Variants in ETV6 observed in about 807,000 individuals in gnomAD.
ETV6 encodes the protein transcription factor ETV6.
ETV6 carries 16 observed loss-of-function variants against 51.1 expected under a neutral mutation model. The ratio of observed to expected loss-of-function variants is 0.31; its 90% CI spans 0.21 to 0.48. The LOEUF is 0.48. Among genes scored for constraint, ETV6 ranks in the 20% least tolerant of loss-of-function variants. The pLI is 0.99. For synonymous variants in ETV6, 240 were observed against 224.1 expected (o/e 1.07, Z -0.64); for missense variants, 458 against 594.8 (o/e 0.77, Z 2.39).
At chr12:11,857,863 TTACAGCTC>T (rs1444994834) in intron 4 of ETV6, among the ~76,000 whole-genome samples, 1 of 152,228 alleles carries the variant, frequency 6.6e-6, no homozygotes, top group Non-Finnish European at 1.5e-5. Flanking sequence ...CTGCAGTCTC[TTACAGCTC>T]TCAAATCCCC....
intron 1 of ETV6, 79 bp downstream of exon 1, chr12:11,650,239 G>T (rs904649059): frequency 1.1e-5 from 14 of 1,270,006 alleles, no homozygotes; most frequent in Non-Finnish European, 1.5e-5. Flanking sequence ...GGGCTCCTCA[G>T]AGCAGGCTGT....
chr12:11,849,958 C>T (rs1430490049), intron 3 of ETV6, among the ~76,000 whole-genome samples: 1 of 152,176 alleles, frequency 6.6e-6, no homozygotes, highest in Non-Finnish European at 1.5e-5. Flanking sequence ...GCCGCATTCC[C>T]TGACGGAGCC....
intron 4 of ETV6, 124 bp downstream of exon 4, chr12:11,853,685 G>T: frequency 2.7e-6 from 3 of 1,096,308 alleles, no homozygotes; most frequent in Non-Finnish European, 3.9e-6. Context: ...CAATTATTGA[G>T]TGCTTACTAT....
chr12:11,859,984 A>G (rs948110682), intron 4 of ETV6, among the ~76,000 whole-genome samples: 14 of 152,182 alleles, frequency 9.2e-5, no homozygotes, highest in Non-Finnish European at 5.9e-5. Flanking sequence ...CTTCTAGATC[A>G]TTAACTCCCT....
chr12:11,716,784 C>A (rs375465799), intron 1 of ETV6: 3 of 152,284 alleles, frequency 2.0e-5, no homozygotes, highest in South Asian at 2.1e-4. Flanking sequence ...GTAGGTTGAG[C>A]TTATTGTATC....
intron 2 of ETV6, among the ~76,000 whole-genome samples, chr12:11,832,338 A>AT (rs1454736605): frequency 1.3e-5 from 2 of 152,228 alleles, no homozygotes; most frequent in Non-Finnish European, 2.9e-5. Context: ...AGATGGGTGA[A>AT]TTGATTGTAA....
At chr12:11,763,328 C>T (rs1212458871) in intron 2 of ETV6, among the ~76,000 whole-genome samples, 10 of 152,108 alleles carry the variant, frequency 6.6e-5, no homozygotes, top group Non-Finnish European at 1.0e-4. Flanking sequence ...AAAATTTGGC[C>T]GTGATTCAAA....
intron 1 of ETV6, chr12:11,751,288 A>G: frequency 1.9e-6 from 1 of 515,726 alleles, no homozygotes; most frequent in East Asian, 5.5e-5. Flanking sequence ...TATCTTTCCA[A>G]AACGTAAACA....
chr12:11,849,276 A>G (rs2136482647), intron 3 of ETV6, among the ~76,000 whole-genome samples: 1 of 151,918 alleles, frequency 6.6e-6, no homozygotes, highest in South Asian at 2.1e-4. Context: ...ACGCCCAACT[A>G]ATTTTTGTTT....
intron 4 of ETV6, among the ~76,000 whole-genome samples, chr12:11,864,144 G>A (rs1442297256): frequency 2.6e-5 from 4 of 152,170 alleles, no homozygotes; most frequent in Admixed American, 6.5e-5. Flanking sequence ...GGGCAGGAAC[G>A]GAGAGTGAAA....
chr12:11,695,139 A>G (rs1864850448), intron 1 of ETV6, among the ~76,000 whole-genome samples: 1 of 152,214 alleles, frequency 6.6e-6, no homozygotes, highest in South Asian at 2.1e-4. Flanking sequence ...CTTCCTTTTA[A>G]TGATACCAAA....
intron 5 of ETV6, among the ~76,000 whole-genome samples, chr12:11,872,859 C>T (rs558877448): frequency 3.9e-5 from 6 of 152,080 alleles, no homozygotes; most frequent in East Asian, 3.9e-4. Context: ...GCGGCCTCAT[C>T]GGTTAGGAAG....
chr12:11,753,804 A>G (rs1410617391), intron 2 of ETV6, among the ~76,000 whole-genome samples: 1 of 152,214 alleles, frequency 6.6e-6, no homozygotes, highest in Non-Finnish European at 1.5e-5. Context: ...AGGCATGAGA[A>G]TCCTTTCCCT....
At chr12:11,802,116 C>T (rs1285106044) in intron 2 of ETV6, among the ~76,000 whole-genome samples, 55 of 152,212 alleles carry the variant, frequency 3.6e-4, no homozygotes, top group Non-Finnish European at 2.9e-5. Flanking sequence ...AGGCCACTGC[C>T]GGGGGCTGAT....
intron 1 of ETV6, among the ~76,000 whole-genome samples, chr12:11,661,865 C>T (rs1219013812): frequency 6.6e-6 from 1 of 152,160 alleles, no homozygotes; most frequent in Non-Finnish European, 1.5e-5. Context: ...GGGTGTGCTC[C>T]TCTGCAGGCA....
At chr12:11,753,032 T>TCCCTC (rs1866068369) in intron 2 of ETV6, among the ~76,000 whole-genome samples, 1 of 151,658 alleles carries the variant, frequency 6.6e-6, no homozygotes, top group African/African-American at 2.4e-5. Flanking sequence ...TCCAGGGCCC[T>TCCCTC]CCCTCCCCTC....
intron 4 of ETV6, among the ~76,000 whole-genome samples, chr12:11,857,904 G>C (rs1179273114): frequency 6.6e-6 from 1 of 152,204 alleles, no homozygotes; most frequent in African/African-American, 2.4e-5. Flanking sequence ...AGGAACCTGA[G>C]TCTTCCTGGG....
intron 7 of ETV6, among the ~76,000 whole-genome samples, chr12:11,888,555 A>T (rs2136609786): frequency 6.6e-6 from 1 of 152,024 alleles, no homozygotes; most frequent in Non-Finnish European, 1.5e-5. Flanking sequence ...GGTGCCTGCC[A>T]CCACACCTGA....
At chr12:11,669,395 T>TCCCTCCC (rs1408869777) in intron 1 of ETV6, among the ~76,000 whole-genome samples, 1 of 27,052 alleles carries the variant, frequency 3.7e-5, no homozygotes, top group African/African-American at 1.2e-4. Context: ...CCCTCCCTCC[T>TCCCTCCC]TTCCTCCTTT....
Sources: gnomAD v4.1 joint callset for allele counts (sites outside exome capture counted in the v4.1 genomes callset) on GRCh38, gnomAD v4.1.1 for gene constraint, MANE v1.5 for transcripts, NCBI Gene and HGNC (gene_info 2026-07-23, HGNC 2026-07-21) for gene names.